Variants in HS6ST2 observed in about 807,000 individuals in gnomAD.
The protein encoded by HS6ST2 is heparan sulfate 6-O-sulfotransferase 2.
A neutral mutation model predicts 33.0 loss-of-function variants in HS6ST2; 17 were observed. The observed-to-expected ratio is 0.52, with a 90% CI of 0.35 to 0.77. The LOEUF is 0.77. Among genes scored for constraint, HS6ST2 ranks in the 30% least tolerant of loss-of-function variants. The pLI, the probability that HS6ST2 is intolerant of heterozygous loss-of-function variation, is 0.01. For synonymous variants in HS6ST2, 248 were observed against 237.1 expected (o/e 1.05, Z -0.42); for missense variants, 519 against 551.7 (o/e 0.94, Z 0.59).
intron 2 of HS6ST2, among the ~76,000 whole-genome samples, chrX:132,870,234 A>G (rs2066044130): frequency 8.9e-6 from 1 of 111,734 alleles, no homozygotes; most frequent in African/African-American, 3.2e-5. Flanking sequence ...CTCTTCAAGG[A>G]GAACTACAAA....
At chrX:132,768,935 G>A (rs2064872726) in intron 2 of HS6ST2, among the ~76,000 whole-genome samples, 1 of 112,204 alleles carries the variant, frequency 8.9e-6, no homozygotes, top group Non-Finnish European at 1.9e-5. Flanking sequence ...TCTTTTATGT[G>A]GTGTGATTAA....
intron 1 of HS6ST2, among the ~76,000 whole-genome samples, chrX:132,957,700 C>T (rs1355578728): frequency 9.1e-6 from 1 of 110,103 alleles, no homozygotes; most frequent in African/African-American, 3.3e-5. Flanking sequence ...TCCGGGCCCC[C>T]GCGTGTCTCG....
intron 3 of HS6ST2, among the ~76,000 whole-genome samples, chrX:132,691,963 C>T (rs2064068239): frequency 8.9e-6 from 1 of 112,157 alleles, no homozygotes; most frequent in Non-Finnish European, 1.9e-5. Flanking sequence ...CTCAAAAGCA[C>T]TGGCTAAAAC....
At chrX:132,725,249 A>G (rs965844173) in intron 2 of HS6ST2, among the ~76,000 whole-genome samples, 4 of 111,547 alleles carry the variant, frequency 3.6e-5, no homozygotes, top group Non-Finnish European at 7.5e-5. Context: ...AGTGAAGGGA[A>G]AATATTTTTA....
intron 2 of HS6ST2, among the ~76,000 whole-genome samples, chrX:132,815,713 A>G (rs2065387744): frequency 9.0e-6 from 1 of 111,633 alleles, no homozygotes; most frequent in Non-Finnish European, 1.9e-5. Context: ...TCAACATTCT[A>G]CGATGCTATG....
chrX:132,799,573 G>A (rs1362292753), intron 2 of HS6ST2, among the ~76,000 whole-genome samples: 1 of 109,537 alleles, frequency 9.1e-6, no homozygotes, highest in Non-Finnish European at 1.9e-5. Flanking sequence ...GTAGAAACAG[G>A]GTCTCACTAT....
At chrX:132,914,976 T>G in intron 2 of HS6ST2, among the ~76,000 whole-genome samples, 1 of 112,739 alleles carries the variant, frequency 8.9e-6, no homozygotes, top group Non-Finnish European at 1.9e-5. Context: ...AAGGGAAAAT[T>G]GCAGCATGCA....
At chrX:132,845,643 A>G (rs2065744867) in intron 2 of HS6ST2, among the ~76,000 whole-genome samples, 1 of 111,303 alleles carries the variant, frequency 9.0e-6, no homozygotes, top group Non-Finnish European at 1.9e-5. Flanking sequence ...TTGAGAGGCT[A>G]TTAGTTGTGC....
intron 2 of HS6ST2, among the ~76,000 whole-genome samples, chrX:132,734,865 C>A (rs2064494043): frequency 8.9e-6 from 1 of 111,862 alleles, no homozygotes; most frequent in Non-Finnish European, 1.9e-5. Context: ...GCTGTGTCAT[C>A]TATGAATGAG....
intron 2 of HS6ST2, among the ~76,000 whole-genome samples, chrX:132,888,961 T>A (rs933723450): frequency 1.8e-5 from 2 of 110,844 alleles, no homozygotes; most frequent in African/African-American, 6.6e-5. Flanking sequence ...TCACAAGCAA[T>A]CCCCTAAGGT....
At chrX:132,724,834 C>T (rs1214690816) in intron 2 of HS6ST2, among the ~76,000 whole-genome samples, 5 of 111,566 alleles carry the variant, frequency 4.5e-5, no homozygotes, top group Non-Finnish European at 9.4e-5. Flanking sequence ...ATAGAGGACC[C>T]CAACACAAAT....
chrX:132,809,504 C>T (rs543257716), intron 2 of HS6ST2, among the ~76,000 whole-genome samples: 76 of 112,177 alleles, frequency 6.8e-4, no homozygotes, highest in African/African-American at 2.4e-3. Context: ...ATCATGGTCC[C>T]TGCCTTTCCT....
chrX:132,926,444 T>G (rs2066711249), intron 2 of HS6ST2, among the ~76,000 whole-genome samples: 1 of 112,013 alleles, frequency 8.9e-6, no homozygotes, highest in Admixed American at 9.4e-5. Context: ...GTCAATCCAT[T>G]CTAAGGTTTA....
In HS6ST2 at chrX:132,641,892, G is replaced by T. The variant is rs191754704; in HGVS notation, c.1068-12799C>A. ...GTGAAATGAGGGATCCAATTCTGTG[G>T]TTTTTGTGGGCCCCTTACAGAACCG... On this transcript the variant is annotated intron_variant, in intron 4 of 4. Coordinates refer to ENST00000370833, the MANE Select transcript of HS6ST2 (RefSeq NM_001394073.1). 6.0e-3 allele frequency among the ~76,000 whole-genome samples: 673 copies of T among 112,399 alleles called. 4 individuals are homozygous for T. Among genetic ancestry groups the T allele is most frequent in the African/African-American group, 0.021 (636 of 31,009 alleles).
chrX:132,713,566 C>T lies in HS6ST2; in HGVS notation c.948-5072G>A, dbSNP rs1002773179. ...CTGCATCTGTGTTCTACTGTTTGACCGCTCTTAATTCCTCCTTGTTCCATG... is the reference window on the plus strand; with the variant it reads ...CTGCATCTGTGTTCTACTGTTTGACTGCTCTTAATTCCTCCTTGTTCCATG... On this transcript the variant is annotated intron_variant, in intron 2 of 4. Transcript: ENST00000370833. Among the ~76,000 whole-genome samples the T allele has an allele frequency of 3.6e-5, 4 of 111,835 alleles. No individual in the cohort carries two copies. The East Asian group carries it at 1.1e-3, about 32-fold the overall frequency.
intron 2 of HS6ST2, among the ~76,000 whole-genome samples, chrX:132,747,370 G>C (rs1367318681): frequency 8.9e-6 from 1 of 111,942 alleles, no homozygotes; most frequent in African/African-American, 3.2e-5. Context: ...TCGCTGGAAG[G>C]GAAATGTGAC....
intron 2 of HS6ST2, among the ~76,000 whole-genome samples, chrX:132,811,298 A>G (rs1179655511): frequency 9.0e-6 from 1 of 110,926 alleles, no homozygotes; most frequent in Non-Finnish European, 1.9e-5. Flanking sequence ...ACAACCCAGG[A>G]GACCCCAGTC....
intron 2 of HS6ST2, among the ~76,000 whole-genome samples, chrX:132,833,713 G>C (rs2065613338): frequency 9.1e-6 from 1 of 109,998 alleles, no homozygotes; most frequent in South Asian, 3.9e-4. Flanking sequence ...AAAGTGATGG[G>C]ACAACACACA....
intron 2 of HS6ST2, among the ~76,000 whole-genome samples, chrX:132,925,003 C>T (rs1191359543): frequency 9.0e-6 from 1 of 111,151 alleles, no homozygotes; most frequent in African/African-American, 3.3e-5. Flanking sequence ...ATTACTTGAA[C>T]CCAGGAGGCA....
Sources: gnomAD v4.1 joint callset for allele counts (sites outside exome capture counted in the v4.1 genomes callset) on GRCh38, gnomAD v4.1.1 for gene constraint, MANE v1.5 for transcripts, NCBI Gene and HGNC (gene_info 2026-07-23, HGNC 2026-07-21) for gene names.